BNIP3L: variants seen among roughly 807,000 people sequenced by gnomAD.
The protein encoded by BNIP3L is BCL2/adenovirus E1B 19 kDa protein-interacting protein 3-like.
A neutral mutation model predicts 25.5 loss-of-function variants in BNIP3L; 10 were observed. The observed-to-expected ratio is 0.39, with a 90% CI of 0.24 to 0.67. BNIP3L has a LOEUF of 0.67. Among genes scored for constraint, BNIP3L ranks in the 30% least tolerant of loss-of-function variants. The pLI is 0.45. For missense variants in BNIP3L, 215 were observed against 270.9 expected, an observed-to-expected ratio of 0.79 and a Z score of 1.45; for synonymous variants, 113 against 101.2, an observed-to-expected ratio of 1.12 and a Z score of -0.70.
chr8:26,386,750 G>A (rs569447121), intron 1 of BNIP3L, among the ~76,000 whole-genome samples: 9 of 152,244 alleles, frequency 5.9e-5, no homozygotes, highest in East Asian at 1.9e-4. Flanking sequence ...CAAGCACAAT[G>A]TCCTTGCTTT....
At chr8:26,384,778 A>T (rs1209848530) in intron 1 of BNIP3L, among the ~76,000 whole-genome samples, 5 of 133,758 alleles carry the variant, frequency 3.7e-5, no homozygotes, top group Non-Finnish European at 7.6e-5. Flanking sequence ...TCTGTCTACA[A>T]CCTCCGCCTC....
At chr8:26,390,397 CT>C (rs1277764076) in intron 1 of BNIP3L, 2 of 985,290 alleles carry the variant, frequency 2.0e-6, no homozygotes, top group African/African-American at 3.5e-5. Context: ...TCCAAGAAAA[CT>C]TTTCGTGTTT....
rs767130233 is a variant in BNIP3L at position 26,408,056 on chromosome 8, G to A, written c.414G>A (p.Ala138=). 4.0e-5 allele frequency: 65 copies of A among 1,614,072 alleles called. No homozygotes were observed. The highest frequency in any genetic ancestry group is 5.3e-5 in the African/African-American group (4 of 74,908). ...AAGTCGAGGCTTTGAAGAAAAGTGC[G>A]GACTGGGTATCAGACTGGTCCAGTA... ...EKEVEALKKS[A]DWVSDWSSRP... is the part of the protein sequence containing the mutation. Residue 138 remains alanine, a synonymous_variant, in exon 4 of 6, where the codon GCG becomes GCA. Coordinates refer to ENST00000380629, the MANE Select transcript of BNIP3L (RefSeq NM_004331.3).
chr8:26,407,211 A>G (rs531913379), intron 3 of BNIP3L, among the ~76,000 whole-genome samples: 1 of 145,760 alleles, frequency 6.9e-6, no homozygotes, highest in East Asian at 2.0e-4. Flanking sequence ...TTTGAGGCGG[A>G]GTCTCGCTCT....
intron 2 of BNIP3L, 31 bp from the exon 3 acceptor site, chr8:26,395,199 A>G (rs764620403): frequency 6.2e-7 from 1 of 1,607,066 alleles, no homozygotes; most frequent in South Asian, 1.1e-5. Context: ...AGTGAGAATT[A>G]AAACTAATAG....
chr8:26,407,183 T>G (rs546456060), intron 3 of BNIP3L, among the ~76,000 whole-genome samples: 123 of 149,190 alleles, frequency 8.2e-4, no homozygotes, highest in Non-Finnish European at 1.1e-3. Flanking sequence ...TTTTTTTTTG[T>G]TTTGTTTTGT....
In BNIP3L at chr8:26,388,621, A is replaced by G. The variant is rs576716247; in HGVS notation, c.101-2622A>G. ...AGTATATATTGGATTATGATTGCTT[A>G]TGTGTTTTTAATGAAGAAAATAGGA... On this transcript the variant is annotated intron_variant, in intron 1 of 5. Transcript: ENST00000380629. 3.3e-5 allele frequency among the ~76,000 whole-genome samples: 5 copies of G among 152,258 alleles called. No homozygotes were observed. The East Asian group carries it at 5.8e-4, about 18-fold the overall frequency.
intron 1 of BNIP3L, chr8:26,383,526 CGGGCG>C (rs1435251736): frequency 1.5e-5 from 1 of 66,250 alleles, no homozygotes; most frequent in Non-Finnish European, 2.3e-5. Flanking sequence ...GCAGCGGAGC[CGGGCG>C]GGGCGGGGCG....
intron 2 of BNIP3L, 106 bp downstream of exon 2, chr8:26,391,532 G>A: frequency 1.1e-6 from 1 of 932,410 alleles, no homozygotes; most frequent in East Asian, 3.0e-5. Flanking sequence ...AGCAAAATAT[G>A]CCTCCTGATA....
At position 26,408,055 on chromosome 8, in the gene BNIP3L, C is replaced by A. The variant is rs773482295; in HGVS notation, c.413C>A (p.Ala138Glu). Residue 138 changes from alanine to glutamate, a missense_variant, in exon 4 of 6, where the codon GCG becomes GAG. Around this residue, in one of 4 missense-constraint regions of BNIP3L, gnomAD observed 47 missense variants for 43.3 expected, o/e 1.09. Transcript: ENST00000380629. ...GAAGTCGAGGCTTTGAAGAAAAGTG[C>A]GGACTGGGTATCAGACTGGTCCAGT... ...EKEVEALKKS[A>E]DWVSDWSSRP... 2.5e-6 allele frequency: 4 copies of A among 1,614,042 alleles called. No individual in the cohort carries two copies. In the African/African-American group the frequency reaches 5.3e-5, roughly 22 times the overall value.
Position 26,383,191 on chromosome 8 carries a change from G to A in BNIP3L, c.61G>A (p.Glu21Lys), listed in dbSNP as rs758937753. The A allele has an allele frequency of 1.9e-6, 3 of 1,612,550 alleles. No homozygotes were observed. Among genetic ancestry groups the A allele is most frequent in the East Asian group, 2.2e-5 (1 of 44,858 alleles). The change falls in exon 1 of 6, where the codon GAA (glutamate) becomes AAA (lysine). Residue 21 changes from glutamate (E) to lysine (K), a missense_variant. This residue lies in a region of BNIP3L where 69 missense variants were observed against 53.6 expected (regional missense o/e 1.29). Transcript: ENST00000380629. ...PLHNNNNNCE[E>K]NEQSLPPPAG... is the part of the protein sequence containing the mutation. ...GCACAACAACAACAACAACTGCGAG[G>A]AAAATGAGCAGTCTCTGCCCCCGCC...
intron 1 of BNIP3L, among the ~76,000 whole-genome samples, chr8:26,384,902 G>T (rs1309852411): frequency 6.6e-6 from 1 of 152,006 alleles, no homozygotes; most frequent in Non-Finnish European, 1.5e-5. Context: ...TCGCCATGTA[G>T]CTGGGATTAC....
At chr8:26,392,960 C>T (rs1373798728) in intron 2 of BNIP3L, among the ~76,000 whole-genome samples, 1 of 151,912 alleles carries the variant, frequency 6.6e-6, no homozygotes, top group Non-Finnish European at 1.5e-5. Flanking sequence ...CTGAATATGC[C>T]TTCACCCTCC....
At chr8:26,394,662 G>A (rs1016254824) in intron 2 of BNIP3L, among the ~76,000 whole-genome samples, 12 of 152,176 alleles carry the variant, frequency 7.9e-5, no homozygotes, top group Non-Finnish European at 1.6e-4. Context: ...ATCTGTGTTT[G>A]CATTCTAACT....
rs1233968863 is a variant in BNIP3L, at chr8:26,412,874, T to C, written c.*2462T>C. On this transcript the variant is annotated 3_prime_UTR_variant, in exon 6 of 6. Coordinates refer to ENST00000380629, the MANE Select transcript of BNIP3L (RefSeq NM_004331.3). ...AGCAAAACTGCACAAACTTGCACAT[T>C]GGAAAGTGCAACAAGTTCCCGTGAT... 6.6e-6 allele frequency: 1 copy of C among 152,600 alleles called. No homozygotes were observed. Among genetic ancestry groups the C allele is most frequent in the Admixed American group, 6.5e-5 (1 of 15,270 alleles). The allele number at this position is 152,600 out of a possible 1,614,324, so 9.5% of individuals were successfully genotyped here.
In BNIP3L at chr8:26,410,528, C is replaced by A; in HGVS notation, c.*116C>A. 8.6e-7 allele frequency: 1 copy of A among 1,162,774 alleles called. No individual in the cohort carries two copies. Among genetic ancestry groups the A allele is most frequent in the Non-Finnish European group, 1.3e-6 (1 of 783,088 alleles). The allele number at this position is 1,162,774 out of a possible 1,614,324, so 72.0% of individuals were successfully genotyped here. Reference sequence around the variant, plus strand: ...GACCCAACCTACCACCCTGTTTTTACATATCCAATTCCAGTAACTCTCAAA... The same window carrying A: ...GACCCAACCTACCACCCTGTTTTTAAATATCCAATTCCAGTAACTCTCAAA... On this transcript the variant is annotated 3_prime_UTR_variant, in exon 6 of 6. Transcript: ENST00000380629.
At chr8:26,407,970 T>C (rs752195320) in intron 3 of BNIP3L, 30 bp from the exon 4 acceptor site, 4 of 1,602,336 alleles carry the variant, frequency 2.5e-6, no homozygotes. Context: ...GTCTTCCTTT[T>C]TTTCTTAAAG....
At chr8:26,394,526 A>G (rs1345266654) in intron 2 of BNIP3L, among the ~76,000 whole-genome samples, 2 of 152,202 alleles carry the variant, frequency 1.3e-5, no homozygotes, top group Non-Finnish European at 2.9e-5. Context: ...ACATTTTAAC[A>G]TAAGTAGCAT....
intron 3 of BNIP3L, among the ~76,000 whole-genome samples, chr8:26,401,875 T>G (rs1472389113): frequency 6.6e-6 from 1 of 152,210 alleles, no homozygotes; most frequent in Non-Finnish European, 1.5e-5. Context: ...TGGCTAATGA[T>G]TTAGAATACT....
Sources: gnomAD v4.1 joint callset for allele counts (sites outside exome capture counted in the v4.1 genomes callset) on GRCh38, gnomAD v4.1.1 for gene constraint, gnomAD v4.1.1 regional missense constraint, MANE v1.5 for transcripts, NCBI Gene and HGNC (gene_info 2026-07-23, HGNC 2026-07-21) for gene names.